The following PALM2AKAP2 variants were observed in gnomAD, a reference collection of about 807,000 sequenced individuals.
PALM2AKAP2 encodes the protein PALM2-AKAP2 fusion protein.
In PALM2AKAP2, 37 loss-of-function variants were observed where a neutral mutation model predicts 71.5. The ratio of observed to expected loss-of-function variants is 0.52; its 90% CI spans 0.40 to 0.68. The LOEUF is 0.68. Ranked by LOEUF, PALM2AKAP2 falls within the 30% of genes least tolerant of loss-of-function variation. PALM2AKAP2 has a pLI of 0.00. For synonymous variants in PALM2AKAP2, 468 were observed against 478.8 expected (o/e 0.98, Z 0.29); for missense variants, 1,224 against 1,191.8 (o/e 1.03, Z -0.40).
intron 6 of PALM2AKAP2, among the ~76,000 whole-genome samples, chr9:109,989,853 C>A (rs1445005302): frequency 6.6e-6 from 1 of 152,228 alleles, no homozygotes; most frequent in African/African-American, 2.4e-5. Context: ...ATGTAGGTCA[C>A]ATCTCAATAT....
intron 1 of PALM2AKAP2, among the ~76,000 whole-genome samples, chr9:109,788,806 C>T (rs766869413): frequency 2.6e-5 from 4 of 152,150 alleles, no homozygotes; most frequent in East Asian, 1.9e-4. Context: ...GGTGCGGTGG[C>T]GCACTCCCAT....
chr9:110,172,197 T>G (rs1009743890), exon 4 of PALM2AKAP2: 2 of 152,648 alleles, frequency 1.3e-5, no homozygotes, highest in African/African-American at 4.8e-5. Flanking sequence ...GCCTAAGTGT[T>G]AGAGATGGTG....
At chr9:109,651,567 T>C (rs566548880) in intron 1 of PALM2AKAP2, among the ~76,000 whole-genome samples, 22 of 152,252 alleles carry the variant, frequency 1.4e-4, no homozygotes, top group Non-Finnish European at 2.4e-4. Flanking sequence ...ATAGAAGCAC[T>C]GAAAGTCTTA....
At position 110,137,346 on chromosome 9, in the gene PALM2AKAP2, A is replaced by T. The variant is rs113950047; in HGVS notation, c.1376A>T (p.Asn459Ile). The change falls in exon 2 of 4, where the codon AAT becomes ATT. Residue 459 changes from asparagine to isoleucine, a missense_variant. Physicochemically the swap from Asn to Ile is moderately radical, Grantham distance 149 (BLOSUM62 -3). Coordinates refer to ENST00000374525, the Ensembl canonical transcript of PALM2AKAP2. Reference sequence around the variant, plus strand: ...GTCAACTCAGACAAGCCACTGACTAATCCGAGACCACCTTCTGTCGGGGGA... The same window carrying T: ...GTCAACTCAGACAAGCCACTGACTATTCCGAGACCACCTTCTGTCGGGGGA... 5.1e-4 allele frequency: 824 copies of T among 1,614,138 alleles called. 8 individuals carry two copies. The African/African-American group carries it at 0.01, about 20-fold the overall frequency.
chr9:109,697,083 C>T (rs539194241), intron 1 of PALM2AKAP2, among the ~76,000 whole-genome samples: 2 of 152,154 alleles, frequency 1.3e-5, no homozygotes, highest in Non-Finnish European at 2.9e-5. Context: ...AGAGTCTCCC[C>T]CTTAGGTTGT....
intron 1 of PALM2AKAP2, among the ~76,000 whole-genome samples, chr9:110,130,817 A>T (rs576191329): frequency 1.3e-5 from 2 of 152,212 alleles, no homozygotes; most frequent in African/African-American, 2.4e-5. Flanking sequence ...CTCTATTGGC[A>T]TATCCCCTTT....
intron 1 of PALM2AKAP2, chr9:109,867,227 G>A (rs1335405641): frequency 3.9e-5 from 15 of 387,532 alleles, no homozygotes; most frequent in East Asian, 1.3e-4. Context: ...TGTAGAAACC[G>A]TCTTTTCTTT....
intron 1 of PALM2AKAP2, among the ~76,000 whole-genome samples, chr9:110,122,405 G>A (rs1046433161): frequency 2.2e-4 from 34 of 152,292 alleles, no homozygotes; most frequent in South Asian, 1.5e-3. Context: ...TGCCTGGTGC[G>A]GCTTCTATGA....
intron 1 of PALM2AKAP2, among the ~76,000 whole-genome samples, chr9:109,654,420 G>A (rs1191245350): frequency 1.3e-5 from 2 of 152,176 alleles, no homozygotes; most frequent in Admixed American, 6.5e-5. Context: ...ATTGTAATGG[G>A]AGCTAAGCTT....
chr9:109,878,837 T>C (rs1207820083), intron 2 of PALM2AKAP2, among the ~76,000 whole-genome samples: 1 of 152,200 alleles, frequency 6.6e-6, no homozygotes, highest in East Asian at 1.9e-4. Flanking sequence ...CCCCAGGTTC[T>C]AGTGATTCTT....
intron 1 of PALM2AKAP2, among the ~76,000 whole-genome samples, chr9:109,848,083 T>C (rs1816958193): frequency 6.6e-6 from 1 of 152,260 alleles, no homozygotes; most frequent in Non-Finnish European, 1.5e-5. Context: ...ATAAATGTGT[T>C]GGGTGGGGTC....
chr9:110,036,047 T>C (rs909848067), intron 7 of PALM2AKAP2, among the ~76,000 whole-genome samples: 2 of 151,968 alleles, frequency 1.3e-5, no homozygotes, highest in African/African-American at 2.4e-5. Context: ...GTTCATGCCA[T>C]TCTCCTGCCT....
chr9:110,027,755 ACT>A (rs1833208352), intron 7 of PALM2AKAP2, among the ~76,000 whole-genome samples: 1 of 152,024 alleles, frequency 6.6e-6, no homozygotes, highest in African/African-American at 2.4e-5. Context: ...AAGCATTTAG[ACT>A]CTTCCGGTGG....
chr9:109,661,435 G>T (rs74998742), intron 1 of PALM2AKAP2, among the ~76,000 whole-genome samples: 99,003 of 151,986 alleles, frequency 0.65, 33,305 homozygotes, highest in African/African-American at 0.83. Flanking sequence ...TTTCCCCATT[G>T]CTTGTTTTTG....
Position 109,754,262 on chromosome 9 carries a change from C to T in PALM2AKAP2, c.6-26226C>T, listed in dbSNP as rs535273176. ...AAGATCACATTAGTTAGGAAATGAG[C>T]AGGACTACAAAGTAGAACTTATATT... On this transcript the variant is annotated intron_variant, in intron 1 of 6. Transcript: ENST00000374531. Among the ~76,000 whole-genome samples, 43 of 152,280 alleles carry T rather than the reference C, an allele frequency of 2.8e-4. 1 individual carries two copies. In the South Asian group the frequency reaches 8.5e-3, roughly 30 times the overall value.
At chr9:109,960,260 T>C (rs1427710753) in intron 6 of PALM2AKAP2, among the ~76,000 whole-genome samples, 1 of 152,340 alleles carries the variant, frequency 6.6e-6, no homozygotes, top group East Asian at 1.9e-4. Flanking sequence ...TACTGCCCCC[T>C]GCACCCACCC....
At position 110,074,629 on chromosome 9, in the gene PALM2AKAP2, CA is replaced by C. The variant is rs1287603897; in HGVS notation, c.156+25781del. On this transcript the variant is annotated intron_variant, in intron 1 of 3. Transcript: ENST00000374525. ...TCTGCAAAAAGACTCCAATAGTTCA[CA>C]AAAAAATTATAAACACACACACGCA... 1.2e-4 allele frequency among the ~76,000 whole-genome samples: 18 copies of C among 152,228 alleles called. No individual in the cohort carries two copies. The East Asian group carries it at 3.5e-3, about 29-fold the overall frequency.
In PALM2AKAP2 at chr9:110,023,211, C is replaced by T. The variant is rs574948837; in HGVS notation, c.582+7172C>T. Among the ~76,000 whole-genome samples the T allele has an allele frequency of 3.3e-3, 504 of 151,520 alleles. 2 individuals are homozygous for T. The highest frequency in any genetic ancestry group is 6.1e-3 in the Non-Finnish European group (412 of 67,906). ...GTCCCACCAACAGTGTAAAAGTGTT[C>T]CTATTTCTCCACATCCTCTCCAGCA... On this transcript the variant is annotated intron_variant, in intron 7 of 9. Transcript: ENST00000302798.
chr9:109,716,598 C>T (rs1309751672), intron 1 of PALM2AKAP2, among the ~76,000 whole-genome samples: 2 of 152,186 alleles, frequency 1.3e-5, no homozygotes, highest in Non-Finnish European at 2.9e-5. Flanking sequence ...AAGACTCCTC[C>T]TTCCAAGGAG....
Sources: gnomAD v4.1 joint callset for allele counts (sites outside exome capture counted in the v4.1 genomes callset) on GRCh38, gnomAD v4.1.1 for gene constraint, MANE v1.5 for transcripts, NCBI Gene and HGNC (gene_info 2026-07-23, HGNC 2026-07-21) for gene names.